ASB3: variants seen among roughly 807,000 people sequenced by gnomAD.
ASB3 encodes ankyrin repeat and SOCS box containing 3.
ASB3 carries 41 observed loss-of-function variants against 54.5 expected under a neutral mutation model. That is an observed-to-expected ratio of 0.75 (90% CI 0.59 to 0.98). The LOEUF (loss-of-function observed/expected upper bound fraction) is 0.98. Among genes scored for constraint, ASB3 ranks in the 50% least tolerant of loss-of-function variants. ASB3 has a pLI of 0.00. For missense variants in ASB3, 733 were observed against 620.0 expected, an observed-to-expected ratio of 1.18 and a Z score of -1.94; for synonymous variants, 266 against 221.2, an observed-to-expected ratio of 1.20 and a Z score of -1.80.
At chr2:53,781,271 G>A (rs140788991) in intron 1 of ASB3, among the ~76,000 whole-genome samples, 4,314 of 152,028 alleles carry the variant, frequency 0.028, 59 homozygotes, top group Non-Finnish European at 0.038. Context: ...AATTAGCCAG[G>A]CGTGGTGGTG....
intron 3 of ASB3, among the ~76,000 whole-genome samples, chr2:53,730,374 G>C (rs1203511605): frequency 6.6e-6 from 1 of 152,144 alleles, no homozygotes; most frequent in African/African-American, 2.4e-5. Context: ...ACTTAAAATG[G>C]AGAAATAGTA....
At chr2:53,705,590 T>G (rs1364473113) in intron 7 of ASB3, among the ~76,000 whole-genome samples, 1 of 152,198 alleles carries the variant, frequency 6.6e-6, no homozygotes, top group Non-Finnish European at 1.5e-5. Flanking sequence ...TTAACAGGCC[T>G]CTTAAATCTG....
At chr2:53,775,855 G>A (rs1674304959) in intron 1 of ASB3, among the ~76,000 whole-genome samples, 1 of 152,032 alleles carries the variant, frequency 6.6e-6, no homozygotes, top group African/African-American at 2.4e-5. Flanking sequence ...TTTAAGAAGT[G>A]GCATTACCTG....
chr2:53,729,635 T>C (rs918921792), intron 3 of ASB3, 65 bp from the exon 4 acceptor site: 2 of 1,405,198 alleles, frequency 1.4e-6, no homozygotes, highest in Non-Finnish European at 2.0e-6. Flanking sequence ...CTGGACACTT[T>C]GGTGATGTTC....
At chr2:53,714,062 C>T (rs913527565) in intron 7 of ASB3, among the ~76,000 whole-genome samples, 1 of 152,020 alleles carries the variant, frequency 6.6e-6, no homozygotes, top group Admixed American at 6.6e-5. Flanking sequence ...TTGATAAAGC[C>T]CCATTTTTAA....
chr2:53,722,631 C>A (rs1432318746), intron 5 of ASB3, among the ~76,000 whole-genome samples: 1 of 152,096 alleles, frequency 6.6e-6, no homozygotes, highest in Non-Finnish European at 1.5e-5. Flanking sequence ...AACATCCCTT[C>A]ATGATAAAAA....
intron 2 of ASB3, among the ~76,000 whole-genome samples, chr2:53,752,180 A>T (rs1672551024): frequency 2.0e-5 from 3 of 152,202 alleles, no homozygotes; most frequent in Admixed American, 6.5e-5. Context: ...TCTAATAAAA[A>T]TGCCAGTAGA....
intron 9 of ASB3, among the ~76,000 whole-genome samples, chr2:53,675,156 G>C (rs1044509267): frequency 6.6e-6 from 1 of 152,178 alleles, no homozygotes; most frequent in African/African-American, 2.4e-5. Context: ...GTTCAAGTTG[G>C]AACACATTTG....
intron 3 of ASB3, among the ~76,000 whole-genome samples, chr2:53,743,333 C>G (rs1672041347): frequency 6.6e-6 from 1 of 151,934 alleles, no homozygotes; most frequent in African/African-American, 2.4e-5. Context: ...CATGTAAAAA[C>G]TCAGGGAATA....
chr2:53,769,408 T>G (rs1178127445), intron 1 of ASB3, among the ~76,000 whole-genome samples: 1 of 152,262 alleles, frequency 6.6e-6, no homozygotes, highest in Non-Finnish European at 1.5e-5. Context: ...TAAATATTTA[T>G]GTATGTGGCT....
At chr2:53,732,893 T>C (rs577026590) in intron 3 of ASB3, among the ~76,000 whole-genome samples, 2 of 152,334 alleles carry the variant, frequency 1.3e-5, no homozygotes, top group African/African-American at 4.8e-5. Context: ...ACTTTATCTA[T>C]TAAAATGGAA....
intron 9 of ASB3, among the ~76,000 whole-genome samples, chr2:53,686,010 C>CAAGAGGGAT (rs1382027153): frequency 6.6e-6 from 1 of 152,158 alleles, no homozygotes; most frequent in Non-Finnish European, 1.5e-5. Context: ...ATAGAAGAGG[C>CAAGAGGGAT]AAGAGGGATG....
Position 53,724,655 on chromosome 2 carries a change from T to C in ASB3, c.604+4057A>G, listed in dbSNP as rs758699511. On this transcript the variant is annotated intron_variant, in intron 5 of 9. Coordinates refer to ENST00000263634, the MANE Select transcript of ASB3 (RefSeq NM_016115.5). ...AAAAGATACTTCTCAAAAGAAGACA[T>C]AGAAGCAGCCAACAAACACATGAAG... 6.7e-5 allele frequency among the ~76,000 whole-genome samples: 10 copies of C among 149,218 alleles called. No homozygotes were observed. The East Asian group carries it at 1.2e-3, about 17-fold the overall frequency.
chr2:53,701,188 T>G (rs1481019751), intron 7 of ASB3, among the ~76,000 whole-genome samples: 2 of 152,178 alleles, frequency 1.3e-5, no homozygotes, highest in Non-Finnish European at 2.9e-5. Context: ...TTGCCCAGGC[T>G]GGTCTCAAAC....
intron 2 of ASB3, among the ~76,000 whole-genome samples, chr2:53,752,055 G>C (rs939362051): frequency 1.3e-5 from 2 of 152,040 alleles, no homozygotes; most frequent in African/African-American, 2.4e-5. Context: ...TGAAAACCTA[G>C]GAACACAAAG....
In ASB3 at chr2:53,734,665, T is replaced by G. The variant is rs561039534; in HGVS notation, c.356-5095A>C. The stretch of plus-strand genomic sequence containing the variant: ...AAAGCTATTCCCTTGAAAATCATCA[T>G]CAAATTCAATGGCCTTTTCTCAGCC... On this transcript the variant is annotated intron_variant, in intron 3 of 9. Transcript: ENST00000263634. 1.7e-4 allele frequency among the ~76,000 whole-genome samples: 26 copies of G among 152,318 alleles called. No individual in the cohort carries two copies. The South Asian group carries it at 5.4e-3, about 32-fold the overall frequency.
chr2:53,773,443 A>T (rs2104166334), intron 1 of ASB3, among the ~76,000 whole-genome samples: 1 of 151,782 alleles, frequency 6.6e-6, no homozygotes, highest in East Asian at 2.0e-4. Context: ...TTTATTTTTT[A>T]TTTTTTTGAG....
intron 3 of ASB3, among the ~76,000 whole-genome samples, chr2:53,738,664 T>C (rs1006237410): frequency 5.9e-5 from 9 of 152,258 alleles, no homozygotes; most frequent in Non-Finnish European, 7.4e-5. Flanking sequence ...CCATTTAGCA[T>C]TGGAAACAGA....
At chr2:53,700,886 G>A (rs1021017885) in intron 7 of ASB3, among the ~76,000 whole-genome samples, 1 of 152,126 alleles carries the variant, frequency 6.6e-6, no homozygotes, top group African/African-American at 2.4e-5. Context: ...AATAAACAAC[G>A]TGATCAATCC....
Sources: allele counts gnomAD v4.1 joint callset (sites outside exome capture counted in the v4.1 genomes callset), GRCh38; gene constraint gnomAD v4.1.1; transcripts MANE v1.5; gene names NCBI Gene and HGNC (gene_info 2026-07-23, HGNC 2026-07-21).